The following TRPV4 variants were observed in gnomAD, a reference collection of about 807,000 sequenced individuals.
The protein encoded by TRPV4 is OSM9-like transient receptor potential channel 4.
Under a neutral mutation model 84.1 loss-of-function variants are expected in TRPV4, and 58 were observed. The ratio of observed to expected loss-of-function variants is 0.69; its 90% CI spans 0.56 to 0.86. The LOEUF (loss-of-function observed/expected upper bound fraction) is 0.86. Among genes scored for constraint, TRPV4 ranks in the 40% least tolerant of loss-of-function variants. TRPV4 has a pLI of 0.00. For missense variants in TRPV4, 879 were observed against 1,181.1 expected (o/e 0.74, Z 3.75); for synonymous variants, 489 against 500.9 (o/e 0.98, Z 0.32).
At chr12:109,809,659 ATCCAT>A in intron 2 of TRPV4, among the ~76,000 whole-genome samples, 1 of 148,848 alleles carries the variant, frequency 6.7e-6, no homozygotes, top group African/African-American at 2.5e-5. Context: ...CCACCCATCC[ATCCAT>A]CCATCCATCC....
chr12:109,832,568 C>T (rs535471899), intron 1 of TRPV4: 17 of 152,526 alleles, frequency 1.1e-4, no homozygotes, highest in African/African-American at 4.1e-4. Context: ...GACAGGCCAC[C>T]TGGTGTGGTG....
At chr12:109,812,069 C>G (rs1264073047) in intron 2 of TRPV4, among the ~76,000 whole-genome samples, 2 of 152,156 alleles carry the variant, frequency 1.3e-5, no homozygotes, top group Non-Finnish European at 2.9e-5. Flanking sequence ...CCTAAAGGAC[C>G]AGGAGGGAGG....
chr12:109,807,387 A>G (rs1592852089), intron 3 of TRPV4, among the ~76,000 whole-genome samples: 1 of 148,208 alleles, frequency 6.7e-6, no homozygotes, highest in Non-Finnish European at 1.5e-5. Flanking sequence ...AGCAGGTATC[A>G]CAATTCTTTT....
chr12:109,800,205 A>G (rs1271971580), intron 5 of TRPV4, among the ~76,000 whole-genome samples: 1 of 152,160 alleles, frequency 6.6e-6, no homozygotes, highest in African/African-American at 2.4e-5. Flanking sequence ...TCATCCTCCC[A>G]AAGTGCTGGG....
At chr12:109,813,967 A>G (rs561996993) in intron 2 of TRPV4, among the ~76,000 whole-genome samples, 2 of 151,738 alleles carry the variant, frequency 1.3e-5, no homozygotes, top group Non-Finnish European at 2.9e-5. Context: ...ATAAATGAAT[A>G]GATGAATGGA....
chr12:109,796,269 A>G lies in TRPV4; in HGVS notation c.1332+256T>C, dbSNP rs975315077. ...CTTGTCCTGAGACACACAGCATGTAAGTTACAGAGCCAGGATCCCAACCCA... is the reference window on the plus strand; with the variant it reads ...CTTGTCCTGAGACACACAGCATGTAGGTTACAGAGCCAGGATCCCAACCCA... On this transcript the variant is annotated intron_variant, in intron 7 of 15. Transcript: ENST00000261740. This position sits in a 1 kb window ranked among gnomAD's most constrained non-coding sequence, Gnocchi z 4.2. Among the ~76,000 whole-genome samples the G allele has an allele frequency of 3.3e-5, 5 of 152,202 alleles. No homozygotes were observed. The highest frequency in any genetic ancestry group is 3.3e-4 in the Admixed American group (5 of 15,278).
At position 109,793,816 on chromosome 12, in the gene TRPV4, G is replaced by A. The variant is rs1037985809; in HGVS notation, c.1584+114C>T. ...GAAATGGGAAAATAAAAGGAGGAAG[G>A]AAAGGAGAAGGACCATTTGGAGGAG... On this transcript the variant is annotated intron_variant, in intron 9 of 15. Transcript: ENST00000261740. This position sits in a 1 kb window ranked among gnomAD's most constrained non-coding sequence, Gnocchi z 4.0. The A allele has an allele frequency of 1.1e-6, 1 of 903,290 alleles. No individual in the cohort carries two copies. The highest frequency in any genetic ancestry group is 1.7e-5 in the African/African-American group (1 of 60,592). 56.0% of individuals were successfully genotyped at this position (903,290 alleles called of 1,614,324 possible).
In TRPV4 at chr12:109,798,655, G is replaced by C. The variant is rs778579318; in HGVS notation, c.1111C>G (p.Leu371Val). 1.9e-6 allele frequency: 3 copies of C among 1,613,076 alleles called. No individual in the cohort carries two copies. Among genetic ancestry groups the C allele is most frequent in the East Asian group, 4.5e-5 (2 of 44,890 alleles). The change falls in exon 6 of 16, where the codon CTC becomes GTC. Residue 371 changes from leucine (L) to valine (V), a missense_variant. Physicochemically the swap from Leu to Val is conservative, Grantham distance 32 (BLOSUM62 1). Transcript: ENST00000261740. The surrounding 1 kb of genome is among the most constrained non-coding windows in gnomAD (Gnocchi z 5.0). ...TTGGCAGCCATCATGAGGGGCGAGAGGCCGTCGTTGTTGAGCACGGCCTCC... is the reference window on the plus strand; with the variant it reads ...TTGGCAGCCATCATGAGGGGCGAGACGCCGTCGTTGTTGAGCACGGCCTCC... Reference protein sequence around the residue: ...NLEAVLNNDGLSPLMMAAKTG... With the variant: ...NLEAVLNNDGVSPLMMAAKTG...
chr12:109,825,928 G>A (rs1328154408), intron 1 of TRPV4, among the ~76,000 whole-genome samples: 1 of 152,160 alleles, frequency 6.6e-6, no homozygotes, highest in Non-Finnish European at 1.5e-5. Flanking sequence ...GCTGCCTCAG[G>A]GGTTAACTGC....
rs568589288 is a variant in TRPV4, at chr12:109,827,351, C to T, written c.-32+5999G>A. Among the ~76,000 whole-genome samples, 11 of 152,220 alleles carry T rather than the reference C, an allele frequency of 7.2e-5. No homozygotes were observed. The South Asian group carries it at 2.1e-3, about 29-fold the overall frequency. Reference sequence around the variant, plus strand: ...CTGAGCAGGTGCTTCCTTCTGATGCCCTGCCTGGCTGGCTTGTCCAGTCAC... The same window carrying T: ...CTGAGCAGGTGCTTCCTTCTGATGCTCTGCCTGGCTGGCTTGTCCAGTCAC... On this transcript the variant is annotated intron_variant, in intron 1 of 15. Transcript: ENST00000261740.
chr12:109,819,865 G>T (rs1892021922), intron 1 of TRPV4, among the ~76,000 whole-genome samples: 1 of 152,156 alleles, frequency 6.6e-6, no homozygotes, highest in African/African-American at 2.4e-5. Context: ...CCCAGCCAAA[G>T]TAGCGGTTTT....
At chr12:109,807,393 CTT>C (rs377690733) in intron 3 of TRPV4, among the ~76,000 whole-genome samples, 7 of 135,046 alleles carry the variant, frequency 5.2e-5, no homozygotes, top group Non-Finnish European at 4.7e-5. Flanking sequence ...TATCACAATT[CTT>C]TTTTTTTTTT....
chr12:109,792,838 C>T (rs758443806), intron 10 of TRPV4, 21 bp from the exon 11 acceptor site: 192 of 1,612,624 alleles, frequency 1.2e-4, no homozygotes, highest in Non-Finnish European at 1.5e-4. Flanking sequence ...GCAGAGACCA[C>T]AAGAGAGGCC....
chr12:109,786,585 C>G lies in TRPV4; in HGVS notation c.2336+125G>C. The G allele has an allele frequency of 7.8e-7, 1 of 1,278,534 alleles. No individual in the cohort carries two copies. Among genetic ancestry groups the G allele is most frequent in the Non-Finnish European group, 1.1e-6 (1 of 911,956 alleles). 79.2% of individuals were successfully genotyped at this position (1,278,534 alleles called of 1,614,324 possible). On this transcript the variant is annotated intron_variant, in intron 14 of 15. Transcript: ENST00000261740. This position sits in a 1 kb window ranked among gnomAD's most constrained non-coding sequence, Gnocchi z 4.5. ...TCGCCTGGTGGAAATGAACTCTGCT[C>G]GGGCCTCTTGGGGCCTCAGTGGCTC...
intron 2 of TRPV4, among the ~76,000 whole-genome samples, chr12:109,813,107 T>A (rs138346389): frequency 1.3e-5 from 2 of 151,916 alleles, no homozygotes; most frequent in African/African-American, 4.8e-5. Context: ...TACGTGGATA[T>A]GTAGGTGAAT....
Position 109,798,735 on chromosome 12 carries a change from T to C in TRPV4, c.1031A>G (p.Lys344Arg), listed in dbSNP as rs1890582480. ...NTRENTKFVT[K>R]MYDLLLLKCA... The stretch of plus-strand genomic sequence containing the variant: ...CTTGAGCAGCAGCAGGTCGTACATC[T>C]TGGTAACAAACTTGGTGTTCTCACG... Residue 344 changes from lysine (K) to arginine (R), a missense_variant, in exon 6 of 16, where the codon AAG becomes AGG. Transcript: ENST00000261740. The surrounding 1 kb of genome is among the most constrained non-coding windows in gnomAD (Gnocchi z 5.0). The C allele has an allele frequency of 6.2e-7, 1 of 1,614,148 alleles. No individual in the cohort carries two copies. The highest frequency in any genetic ancestry group is 2.2e-5 in the East Asian group (1 of 44,882).
intron 1 of TRPV4, among the ~76,000 whole-genome samples, chr12:109,820,516 A>ATTTTTTTTTTTTTTTTTTTT (rs1166251387): frequency 4.3e-5 from 4 of 92,388 alleles, no homozygotes; most frequent in African/African-American, 2.0e-4. Context: ...CAGCTGCCCT[A>ATTTTTTTTTTTTTTTTTTTT]TTTTTTTTTT....
Position 109,794,485 on chromosome 12 carries a change from G to A in TRPV4, c.1335C>T (p.Asn445=). The change falls in exon 8 of 16, where the codon AAC becomes AAT. Residue 445 remains asparagine (N), a splice_region_variant and synonymous_variant. Transcript: ENST00000261740. ...EILVYNSKIE[N]RHEMLAVEPI... is the part of the protein sequence containing the mutation. ...GCTCCACAGCCAGCATCTCGTGGCG[G>A]TTCTAAGAGAGGCAGGGTGGTCGGG... 1 of 1,613,800 alleles carries A rather than the reference G, an allele frequency of 6.2e-7. No individual in the cohort carries two copies. The highest frequency in any genetic ancestry group is 8.5e-7 in the Non-Finnish European group (1 of 1,179,942).
chr12:109,795,251 A>G (rs1262557709), intron 7 of TRPV4, among the ~76,000 whole-genome samples: 2 of 152,234 alleles, frequency 1.3e-5, no homozygotes, highest in Non-Finnish European at 2.9e-5. Flanking sequence ...TCAATAATTG[A>G]GCCCTGCACA....
Sources: gnomAD v4.1 joint callset for allele counts (sites outside exome capture counted in the v4.1 genomes callset) on GRCh38, gnomAD v4.1.1 for gene constraint, Gnocchi (gnomAD v3.1) non-coding constraint, MANE v1.5 for transcripts, NCBI Gene and HGNC (gene_info 2026-07-23, HGNC 2026-07-21) for gene names.